Variants in CD300LB observed in about 807,000 individuals in gnomAD.
CD300LB encodes CD300 molecule like family member b, also known as CMRF35-like molecule 7.
In CD300LB, 18 loss-of-function variants were observed where a neutral mutation model predicts 20.8. That is an observed-to-expected ratio of 0.87 (90% confidence interval 0.60 to 1.28). The LOEUF (loss-of-function observed/expected upper bound fraction) is 1.28, where lower values mean the gene tolerates loss of function less well. Among genes scored for constraint, CD300LB ranks in the 50% most tolerant of loss-of-function variants. CD300LB has a pLI of 0.00. For synonymous variants in CD300LB, 91 were observed against 91.3 expected, an observed-to-expected ratio of 1.00 and a Z score of 0.02; for missense variants, 222 against 251.8, an observed-to-expected ratio of 0.88 and a Z score of 0.80.
intron 1 of CD300LB, among the ~76,000 whole-genome samples, chr17:74,530,028 G>T (rs969608301): frequency 1.3e-5 from 2 of 152,202 alleles, no homozygotes; most frequent in African/African-American, 4.8e-5. Flanking sequence ...TCTATATGTT[G>T]TCAAGAGTTG....
In CD300LB at chr17:74,522,096, G is replaced by C. The variant is rs555830002; in HGVS notation, c.*642C>G. The C allele has an allele frequency of 3.2e-5, 32 of 985,378 alleles. No individual in the cohort carries two copies. Among genetic ancestry groups the C allele is most frequent in the Middle Eastern group, 5.2e-4 (1 of 1,916 alleles). The allele number at this position is 985,378 out of a possible 1,614,324, so 61.0% of individuals were successfully genotyped here. ...GAGCTAGGAGGAGGAAGAGGTGGGA[G>C]GGGGAGGACAAGCACCGGGCCGGGC... On this transcript the variant is annotated 3_prime_UTR_variant, in exon 4 of 4. Coordinates refer to ENST00000392621, the MANE Select transcript of CD300LB (RefSeq NM_174892.4).
rs1402143137 is a variant in CD300LB at position 74,523,595 on chromosome 17, T to A, written c.427A>T (p.Ile143Phe). 1.2e-6 allele frequency: 2 copies of A among 1,613,058 alleles called. No individual in the cohort carries two copies. Among genetic ancestry groups the A allele is most frequent in the Non-Finnish European group, 1.7e-6 (2 of 1,179,122 alleles). The stretch of plus-strand genomic sequence containing the variant: ...ATGACTCACCTCTTGTGGGAGCCGA[T>A]GAACACTGCCATATTGCTGTTGGTA... ...SPTNSNMAVFIGSHKRNHYML... is the reference protein window; with the variant it reads ...SPTNSNMAVFFGSHKRNHYML... Residue 143 changes from isoleucine (I) to phenylalanine (F), a missense_variant, in exon 3 of 4, where the codon ATC becomes TTC. By Grantham distance (21) the Ile-to-Phe change is conservative. Transcript: ENST00000392621.
At chr17:74,523,709 G>A in intron 2 of CD300LB, 58 bp from the exon 3 acceptor site, 2 of 1,182,470 alleles carry the variant, frequency 1.7e-6, no homozygotes, top group East Asian at 2.3e-5. Flanking sequence ...TCATGCATGG[G>A]TCACAAAGCC....
At chr17:74,528,780 G>C (rs901331684) in intron 1 of CD300LB, among the ~76,000 whole-genome samples, 1 of 152,172 alleles carries the variant, frequency 6.6e-6, no homozygotes, top group Admixed American at 6.5e-5. Flanking sequence ...TGCAAGTATC[G>C]CTTCCTTATT....
At chr17:74,531,160 C>T (rs1908201037) in intron 1 of CD300LB, 151 bp downstream of exon 1, 1 of 870,724 alleles carries the variant, frequency 1.1e-6, no homozygotes, top group African/African-American at 1.8e-5. Flanking sequence ...GTCCTCAGGC[C>T]CCGAAGCACA....
At chr17:74,529,381 C>T (rs1216019128) in intron 1 of CD300LB, among the ~76,000 whole-genome samples, 1 of 152,108 alleles carries the variant, frequency 6.6e-6, no homozygotes, top group East Asian at 1.9e-4. Context: ...ACTCGCCACC[C>T]CCAAGATGTC....
At chr17:74,530,139 T>A (rs1357651124) in intron 1 of CD300LB, among the ~76,000 whole-genome samples, 2 of 151,722 alleles carry the variant, frequency 1.3e-5, no homozygotes, top group African/African-American at 2.4e-5. Flanking sequence ...AGGACTGGAG[T>A]CGGGTCTCAG....
intron 2 of CD300LB, among the ~76,000 whole-genome samples, chr17:74,524,570 A>G (rs903339752): frequency 7.9e-5 from 12 of 152,210 alleles, no homozygotes; most frequent in African/African-American, 2.9e-4. Flanking sequence ...CCTGGGCTAC[A>G]GACTGAAACC....
At chr17:74,529,796 AAAAAAC>A (rs1052021882) in intron 1 of CD300LB, among the ~76,000 whole-genome samples, 3 of 152,346 alleles carry the variant, frequency 2.0e-5, no homozygotes, top group African/African-American at 7.2e-5. Context: ...TCTCAAAAAC[AAAAAAC>A]AAAAACAAAA....
intron 1 of CD300LB, among the ~76,000 whole-genome samples, chr17:74,529,967 T>C (rs1908153112): frequency 6.6e-6 from 1 of 152,232 alleles, no homozygotes; most frequent in Non-Finnish European, 1.5e-5. Flanking sequence ...AAAAAATATT[T>C]GGGGGTTTCT....
chr17:74,529,067 C>T (rs572051299), intron 1 of CD300LB, among the ~76,000 whole-genome samples: 1 of 152,280 alleles, frequency 6.6e-6, no homozygotes, highest in South Asian at 2.1e-4. Flanking sequence ...GAGTTCAAGG[C>T]TGCAGTGAGT....
chr17:74,530,323 G>A (rs1177922608), intron 1 of CD300LB, among the ~76,000 whole-genome samples: 1 of 152,184 alleles, frequency 6.6e-6, no homozygotes. Flanking sequence ...GGTTTGCCAT[G>A]GAGAAGATCA....
At chr17:74,528,502 C>A (rs748284429) in intron 1 of CD300LB, among the ~76,000 whole-genome samples, 19 of 152,238 alleles carry the variant, frequency 1.2e-4, no homozygotes, top group Non-Finnish European at 2.2e-4. Context: ...CAACTTGATT[C>A]TCTTCAAACC....
intron 2 of CD300LB, among the ~76,000 whole-genome samples, chr17:74,523,971 G>A (rs766463307): frequency 2.0e-5 from 3 of 152,120 alleles, no homozygotes; most frequent in Non-Finnish European, 4.4e-5. Flanking sequence ...TATTGGATGG[G>A]GAAATAAATT....
At chr17:74,527,515 T>C (rs1908071702) in intron 1 of CD300LB, among the ~76,000 whole-genome samples, 1 of 152,182 alleles carries the variant, frequency 6.6e-6, no homozygotes, top group Non-Finnish European at 1.5e-5. Context: ...TAGAATAATG[T>C]CCCCCATAGC....
rs760215656 is a variant in CD300LB at position 74,521,313 on chromosome 17, G to C, written c.*1425C>G. The C allele has an allele frequency of 4.1e-6, 4 of 979,846 alleles. No homozygotes were observed. The highest frequency in any genetic ancestry group is 4.8e-6 in the Non-Finnish European group (4 of 824,946). 60.7% of individuals were successfully genotyped at this position (979,846 alleles called of 1,614,324 possible). ...ACCATGCTTTGGCTTTCCCTCCCGC[G>C]GAGCGGTGCCGTCCTCCCTGGGTCT... On this transcript the variant is annotated 3_prime_UTR_variant, in exon 4 of 4. Transcript: ENST00000392621.
chr17:74,529,658 G>T (rs1007325788), intron 1 of CD300LB, among the ~76,000 whole-genome samples: 1 of 152,148 alleles, frequency 6.6e-6, no homozygotes, highest in Non-Finnish European at 1.5e-5. Flanking sequence ...AGGCATGGTG[G>T]CAGGCACCTT....
rs114736070 is a variant in CD300LB, at chr17:74,531,461, T to C, written c.-111A>G. 6.3e-7 allele frequency: 1 copy of C among 1,576,326 alleles called. No homozygotes were observed. On this transcript the variant is annotated 5_prime_UTR_variant, in exon 1 of 4. An upstream start codon of the reference 5' UTR is lost. Transcript: ENST00000392621. ...AGCTCTGGCTTGCACCTTCTGCACA[T>C]CTAGACCGCCTTTGACTTTCTTACT... is the stretch of plus-strand genomic sequence containing the variant.
At chr17:74,525,074 C>T (rs991122415) in intron 2 of CD300LB, among the ~76,000 whole-genome samples, 1 of 152,002 alleles carries the variant, frequency 6.6e-6, no homozygotes, top group Non-Finnish European at 1.5e-5. Context: ...TAGGGGTGTG[C>T]GGGTGGAAGT....
Sources: allele counts gnomAD v4.1 joint callset (sites outside exome capture counted in the v4.1 genomes callset), GRCh38; gene constraint gnomAD v4.1.1; transcripts MANE v1.5; gene names NCBI Gene and HGNC (gene_info 2026-07-23, HGNC 2026-07-21).